SPMAP2L: variants seen among roughly 807,000 people sequenced by gnomAD.
SPMAP2L encodes sperm microtubule associated protein 2 like.
chr4:56,543,100 C>CT, the SPMAP2L span, among the ~76,000 whole-genome samples: 12,440 of 143,886 alleles, frequency 0.086, 677 homozygotes, highest in East Asian at 0.19. Context: ...TTATGTTTTG[C>CT]TTTTTTTTTT....
the SPMAP2L span, chr4:56,559,382 T>A: frequency 6.7e-7 from 1 of 1,495,260 alleles, no homozygotes. Flanking sequence ...ATCTGTATGC[T>A]TCTTAACAGA....
the SPMAP2L span, chr4:56,594,095 G>T: frequency 6.2e-7 from 1 of 1,608,644 alleles, no homozygotes; most frequent in Non-Finnish European, 8.5e-7. Flanking sequence ...CAATGAAAAA[G>T]ATCTGGACGA....
chr4:56,551,536 G>A, the SPMAP2L span, among the ~76,000 whole-genome samples: 16,053 of 152,070 alleles, frequency 0.11, 949 homozygotes, highest in East Asian at 0.19. Context: ...TACTCATTTC[G>A]ATATGGTTTT....
the SPMAP2L span, among the ~76,000 whole-genome samples, chr4:56,600,670 T>G: frequency 6.6e-6 from 1 of 152,188 alleles, no homozygotes; most frequent in African/African-American, 2.4e-5. Flanking sequence ...GCTGTTGTGA[T>G]GATTAAGTGG....
chr4:56,531,130 A>T, the SPMAP2L span: 8 of 1,534,440 alleles, frequency 5.2e-6, no homozygotes, highest in Non-Finnish European at 7.0e-6. Context: ...CTCTCTGATC[A>T]CCAGAGCCCC....
chr4:56,581,745 G>A, the SPMAP2L span, among the ~76,000 whole-genome samples: 6 of 152,156 alleles, frequency 3.9e-5, no homozygotes, highest in Middle Eastern at 3.2e-3. Flanking sequence ...GAACAAAGTT[G>A]GAAGACAGTT....
chr4:56,609,656 G>A, the SPMAP2L span, among the ~76,000 whole-genome samples: 1 of 152,152 alleles, frequency 6.6e-6, no homozygotes, highest in East Asian at 1.9e-4. Flanking sequence ...TAAGAGGTGG[G>A]GCCATTAGGA....
the SPMAP2L span, chr4:56,575,361 A>C: frequency 1.0e-6 from 1 of 964,538 alleles, no homozygotes; most frequent in Non-Finnish European, 1.5e-6. Context: ...AAAGCAATTA[A>C]TTTCTCCTCA....
the SPMAP2L span, among the ~76,000 whole-genome samples, chr4:56,618,444 TTTAA>T: frequency 1.3e-5 from 2 of 152,140 alleles, no homozygotes; most frequent in Non-Finnish European, 2.9e-5. Flanking sequence ...AGGAAAGAGG[TTTAA>T]TTGACTCAGT....
the SPMAP2L span, among the ~76,000 whole-genome samples, chr4:56,561,659 G>A: frequency 0.017 from 2,652 of 151,718 alleles, 81 homozygotes; most frequent in African/African-American, 0.061. Context: ...TGAAGGATCC[G>A]TCCCCATGAC....
the SPMAP2L span, among the ~76,000 whole-genome samples, chr4:56,569,751 TGCATCACTGCATTCCA>T: frequency 6.6e-6 from 1 of 152,078 alleles, no homozygotes; most frequent in Non-Finnish European, 1.5e-5. Context: ...AGGCCATGAT[TGCATCACTGCATTCCA>T]GCATGGGTGA....
chr4:56,618,620 G>A, the SPMAP2L span, among the ~76,000 whole-genome samples: 1 of 152,142 alleles, frequency 6.6e-6, no homozygotes, highest in Non-Finnish European at 1.5e-5. Context: ...CACAAGAACA[G>A]CATGAAGGTT....
chr4:56,532,961 CCCCT>C, the SPMAP2L span, among the ~76,000 whole-genome samples: 3 of 149,468 alleles, frequency 2.0e-5, no homozygotes, highest in Non-Finnish European at 1.5e-5. Flanking sequence ...TCCATGAACC[CCCCT>C]ATCAAATTTT....
the SPMAP2L span, among the ~76,000 whole-genome samples, chr4:56,570,689 G>A: frequency 6.6e-5 from 10 of 151,994 alleles, no homozygotes; most frequent in African/African-American, 1.2e-4. Context: ...TGCATGCTAC[G>A]GTAGACTTTA....
chr4:56,543,162 A>T, the SPMAP2L span, among the ~76,000 whole-genome samples: 1 of 151,224 alleles, frequency 6.6e-6, no homozygotes, highest in Non-Finnish European at 1.5e-5. Flanking sequence ...TGGCTCACTG[A>T]AAGCTCCGCC....
chr4:56,599,384 ATTTT>A, the SPMAP2L span, among the ~76,000 whole-genome samples: 1 of 151,820 alleles, frequency 6.6e-6, no homozygotes, highest in African/African-American at 2.4e-5. Context: ...TTTTTACTTT[ATTTT>A]TTAATTTTTT....
the SPMAP2L span, among the ~76,000 whole-genome samples, chr4:56,612,426 C>T: frequency 6.6e-6 from 1 of 152,118 alleles, no homozygotes; most frequent in African/African-American, 2.4e-5. Flanking sequence ...ACTGTAATCT[C>T]TGCCTCCCGA....
chr4:56,618,413 C>A, the SPMAP2L span, among the ~76,000 whole-genome samples: 37 of 152,072 alleles, frequency 2.4e-4, no homozygotes, highest in African/African-American at 2.4e-5. Context: ...GAAGACATAC[C>A]CAAGACTGAA....
At chr4:56,624,082 C>G in the SPMAP2L span, among the ~76,000 whole-genome samples, 1 of 152,146 alleles carries the variant, frequency 6.6e-6, no homozygotes, top group Non-Finnish European at 1.5e-5. Context: ...CAATGAAATC[C>G]AGGCTGAAGT....
Sources: gnomAD v4.1 joint callset for allele counts (sites outside exome capture counted in the v4.1 genomes callset) on GRCh38, gnomAD v4.1.1 for gene constraint, MANE v1.5 for transcripts, NCBI Gene and HGNC (gene_info 2026-07-23, HGNC 2026-07-21) for gene names.